Variants in CFAP69 observed in about 807,000 individuals in gnomAD.
CFAP69 encodes cilia- and flagella-associated protein 69.
In CFAP69, 92 loss-of-function variants were observed where a neutral mutation model predicts 123.0. The ratio of observed to expected loss-of-function variants is 0.75; its 90% CI spans 0.63 to 0.89. The LOEUF (loss-of-function observed/expected upper bound fraction) is 0.89, where lower values mean the gene tolerates loss of function less well. Ranked by LOEUF, CFAP69 falls within the 40% of genes least tolerant of loss-of-function variation. CFAP69 has a pLI of 0.00. For missense variants in CFAP69, 1,067 were observed against 1,096.9 expected (o/e 0.97, Z 0.39); for synonymous variants, 380 against 364.3 (o/e 1.04, Z -0.49).
At chr7:90,268,966 A>T (rs1455308226) in intron 6 of CFAP69, 14 of 152,144 alleles carry the variant, frequency 9.2e-5, no homozygotes. Context: ...TATAAACAAT[A>T]ATTTCTTAAG....
intron 1 of CFAP69, among the ~76,000 whole-genome samples, chr7:90,246,255 T>C (rs1410913625): frequency 6.6e-6 from 1 of 152,056 alleles, no homozygotes; most frequent in Non-Finnish European, 1.5e-5. Context: ...GAGGCGGAGG[T>C]GTTTAGAAAC....
At chr7:90,299,231 A>G (rs1437598724) in intron 16 of CFAP69, among the ~76,000 whole-genome samples, 2 of 152,216 alleles carry the variant, frequency 1.3e-5, no homozygotes, top group African/African-American at 2.4e-5. Context: ...TAGATTATGG[A>G]GGCCATTGCT....
chr7:90,277,465 C>A, intron 11 of CFAP69, 131 bp downstream of exon 11: 1 of 739,644 alleles, frequency 1.4e-6, no homozygotes, highest in Non-Finnish European at 1.9e-6. Flanking sequence ...ATCTTACTGG[C>A]CTGAATTTTA....
At chr7:90,254,462 T>C (rs958328422) in intron 1 of CFAP69, among the ~76,000 whole-genome samples, 7 of 152,128 alleles carry the variant, frequency 4.6e-5, no homozygotes, top group Non-Finnish European at 8.8e-5. Flanking sequence ...TCAGGCCCAG[T>C]GTTGGATGCC....
At chr7:90,307,235 T>C in intron 20 of CFAP69, 137 bp downstream of exon 20, 1 of 684,142 alleles carries the variant, frequency 1.5e-6, no homozygotes, top group South Asian at 1.8e-5. Flanking sequence ...ATTGTACATT[T>C]CAAAATACCC....
intron 8 of CFAP69, among the ~76,000 whole-genome samples, chr7:90,273,644 G>A (rs948207623): frequency 2.0e-5 from 3 of 152,108 alleles, no homozygotes; most frequent in Non-Finnish European, 2.9e-5. Flanking sequence ...ATAAAGTACC[G>A]TAAACTGGGT....
chr7:90,249,284 G>A (rs1403959587), intron 1 of CFAP69, among the ~76,000 whole-genome samples: 1 of 152,096 alleles, frequency 6.6e-6, no homozygotes, highest in Non-Finnish European at 1.5e-5. Flanking sequence ...CTGTGAAGGA[G>A]GTCTTTGCTT....
intron 14 of CFAP69, chr7:90,287,771 T>A (rs1013203714): frequency 3.1e-6 from 3 of 983,200 alleles, no homozygotes; most frequent in African/African-American, 1.8e-5. Context: ...GAGAAAAATA[T>A]TAAGTGGTTA....
chr7:90,312,761 C>T (rs1313270292), downstream of CFAP69: 3 of 152,118 alleles, frequency 2.0e-5, no homozygotes, highest in East Asian at 3.9e-4. Context: ...CCGATCCTGC[C>T]GGCTGAGAGA....
In CFAP69 at chr7:90,245,300, T is replaced by C; in HGVS notation, c.-125T>C. The C allele has an allele frequency of 1.5e-6, 2 of 1,334,870 alleles. No individual in the cohort carries two copies. The highest frequency in any genetic ancestry group is 9.7e-7 in the Non-Finnish European group (1 of 1,029,774). 82.7% of individuals were successfully genotyped at this position (1,334,870 alleles called of 1,614,324 possible). ...GCCCCTGGCGGAATTTTGGGACCTTTCGCGACTCTAGCGACTCTCAGGCTG... is the reference window on the plus strand; with the variant it reads ...GCCCCTGGCGGAATTTTGGGACCTTCCGCGACTCTAGCGACTCTCAGGCTG... On this transcript the variant is annotated 5_prime_UTR_variant, in exon 1 of 23. Transcript: ENST00000389297.
At chr7:90,290,301 C>T (rs2117191711) in intron 15 of CFAP69, among the ~76,000 whole-genome samples, 1 of 152,188 alleles carries the variant, frequency 6.6e-6, no homozygotes, top group Non-Finnish European at 1.5e-5. Flanking sequence ...GCCTAAGGAC[C>T]AGAAAACCCA....
chr7:90,273,918 G>T, intron 8 of CFAP69, 69 bp from the exon 9 acceptor site: 2 of 1,221,000 alleles, frequency 1.6e-6, no homozygotes, highest in Non-Finnish European at 2.2e-6. Context: ...TTAAATATAT[G>T]AATTTTGGAG....
In CFAP69 at chr7:90,280,772, A is replaced by G. The variant is rs528038047; in HGVS notation, c.1372+879A>G. ...CCTTTTTTAAAAAGTTTTATAAGGA[A>G]GATATTGCCTCTTTTCTGGTAGAAA... On this transcript the variant is annotated intron_variant, in intron 12 of 22. Transcript: ENST00000389297. Among the ~76,000 whole-genome samples the G allele has an allele frequency of 7.2e-5, 11 of 152,352 alleles. No homozygotes were observed. In the South Asian group the frequency reaches 2.3e-3, roughly 32 times the overall value.
chr7:90,315,287 G>A (rs117359190), downstream of CFAP69, among the ~76,000 whole-genome samples: 3,057 of 151,842 alleles, frequency 0.02, 95 homozygotes, highest in East Asian at 0.1. Flanking sequence ...TCATTCTACC[G>A]TAAAGACACA....
intron 13 of CFAP69, 26 bp downstream of exon 13, chr7:90,283,082 G>A: frequency 7.0e-7 from 1 of 1,435,168 alleles, no homozygotes; most frequent in Non-Finnish European, 9.2e-7. Context: ...GTGGTTTACT[G>A]ATGAAAGAGG....
At chr7:90,267,415 C>G (rs775240070) in intron 5 of CFAP69, among the ~76,000 whole-genome samples, 1 of 152,100 alleles carries the variant, frequency 6.6e-6, no homozygotes, top group Non-Finnish European at 1.5e-5. Flanking sequence ...TACTGACTAC[C>G]GCTGTCCTTG....
At chr7:90,264,982 C>T (rs1022415960) in intron 4 of CFAP69, among the ~76,000 whole-genome samples, 5 of 151,848 alleles carry the variant, frequency 3.3e-5, no homozygotes, top group African/African-American at 7.3e-5. Context: ...TTAGAAGAGA[C>T]GGAATTTCAC....
chr7:90,286,679 T>C (rs1368939061), intron 14 of CFAP69, among the ~76,000 whole-genome samples: 1 of 152,208 alleles, frequency 6.6e-6, no homozygotes, highest in African/African-American at 2.4e-5. Context: ...ACTACTGTTC[T>C]GTTTTCTATT....
At position 90,245,528 on chromosome 7, in the gene CFAP69, A is replaced by C. The variant is rs753731416; in HGVS notation, c.104A>C (p.Glu35Ala). The part of the protein sequence containing the change: ...SQIPVVGVVT[E>A]DDEAQDVFKP... Reference sequence around the variant, plus strand: ...ATCCCGGTGGTTGGGGTGGTGACGGAGGACGATGAGGCGCAGGTATGAGCA... The same window carrying C: ...ATCCCGGTGGTTGGGGTGGTGACGGCGGACGATGAGGCGCAGGTATGAGCA... Residue 35 changes from glutamate to alanine, a missense_variant, in exon 1 of 23, where the codon GAG becomes GCG. By Grantham distance (107) the Glu-to-Ala change is moderately radical (BLOSUM62 -1). Coordinates refer to ENST00000389297, the MANE Select transcript of CFAP69 (RefSeq NM_001039706.3). The C allele has an allele frequency of 5.9e-6, 9 of 1,513,236 alleles. 1 individual carries two copies. In the South Asian group the frequency reaches 1.2e-4, roughly 19 times the overall value. The allele number at this position is 1,513,236 out of a possible 1,614,324, so 93.7% of individuals were successfully genotyped here.
Sources: allele counts gnomAD v4.1 joint callset (sites outside exome capture counted in the v4.1 genomes callset), GRCh38; gene constraint gnomAD v4.1.1; transcripts MANE v1.5; gene names NCBI Gene and HGNC (gene_info 2026-07-23, HGNC 2026-07-21).